The following MARCHF1 variants were observed in gnomAD, a reference collection of about 807,000 sequenced individuals.
MARCHF1 encodes the protein E3 ubiquitin-protein ligase MARCHF1.
A neutral mutation model predicts 54.2 loss-of-function variants in MARCHF1; 40 were observed. The ratio of observed to expected loss-of-function variants is 0.74; its 90% CI spans 0.57 to 0.96. The LOEUF is 0.96. Ranked by LOEUF, MARCHF1 falls within the 40% of genes least tolerant of loss-of-function variation. MARCHF1 has a pLI of 0.00. For missense variants in MARCHF1, 586 were observed against 656.5 expected (o/e 0.89, Z 1.17); for synonymous variants, 236 against 236.3 (o/e 1.00, Z 0.01).
intron 3 of MARCHF1, among the ~76,000 whole-genome samples, chr4:163,898,605 C>T (rs965689548): frequency 2.6e-5 from 4 of 152,110 alleles, no homozygotes; most frequent in Admixed American, 2.6e-4. Context: ...TTAGTTCAAC[C>T]TCTCTGGAAA....
At chr4:163,598,853 C>T (rs1741365087) in intron 7 of MARCHF1, among the ~76,000 whole-genome samples, 1 of 152,186 alleles carries the variant, frequency 6.6e-6, no homozygotes, top group Admixed American at 6.5e-5. Context: ...CCTTAGCTTA[C>T]TTTAACTTTT....
At chr4:164,310,628 GAATAAT>G (rs142349514) in intron 1 of MARCHF1, among the ~76,000 whole-genome samples, 5 of 138,144 alleles carry the variant, frequency 3.6e-5, no homozygotes, top group Non-Finnish European at 7.7e-5. Context: ...TTCTAGTAGT[GAATAAT>G]AATATTTATT....
chr4:163,607,933 C>G (rs1157755203), intron 7 of MARCHF1, among the ~76,000 whole-genome samples: 1 of 152,136 alleles, frequency 6.6e-6, no homozygotes, highest in African/African-American at 2.4e-5. Context: ...AGTTTTAGAA[C>G]TGCTGGTGTA....
chr4:163,994,113 A>G (rs1170796068), intron 2 of MARCHF1, among the ~76,000 whole-genome samples: 1 of 152,106 alleles, frequency 6.6e-6, no homozygotes, highest in Non-Finnish European at 1.5e-5. Flanking sequence ...GCCAGTATGT[A>G]TTTCTTCACT....
intron 1 of MARCHF1, among the ~76,000 whole-genome samples, chr4:164,170,636 C>T (rs11724039): frequency 2.8e-4 from 43 of 151,956 alleles, no homozygotes; most frequent in Non-Finnish European, 5.2e-4. Flanking sequence ...AAATTCTTGA[C>T]CATAGTGAGA....
chr4:163,961,835 T>G (rs1353552147), intron 3 of MARCHF1, among the ~76,000 whole-genome samples: 1 of 151,876 alleles, frequency 6.6e-6, no homozygotes, highest in Non-Finnish European at 1.5e-5. Flanking sequence ...ATTTTCATGA[T>G]TATGCTTGGA....
At chr4:163,814,073 C>G (rs117551616) in intron 4 of MARCHF1, among the ~76,000 whole-genome samples, 4,284 of 152,194 alleles carry the variant, frequency 0.028, 77 homozygotes, top group East Asian at 0.074. Context: ...CTCCCAGGAT[C>G]GATTGTATCT....
rs940807267 is a variant in MARCHF1 at position 163,749,680 on chromosome 4, G to T, written c.112-48817C>A. ...ACACATTTTCTGAATCTATTGAGTT[G>T]ATAATATGATGTGGTTAGACAGCTT... On this transcript the variant is annotated intron_variant, in intron 4 of 9. Transcript: ENST00000514618. Among the ~76,000 whole-genome samples the T allele has an allele frequency of 3.3e-5, 5 of 152,040 alleles. No individual in the cohort carries two copies. The East Asian group carries it at 9.7e-4, about 30-fold the overall frequency.
intron 1 of MARCHF1, among the ~76,000 whole-genome samples, chr4:164,141,908 A>C (rs1756546863): frequency 6.8e-6 from 1 of 147,592 alleles, no homozygotes; most frequent in South Asian, 2.1e-4. Flanking sequence ...CATCTGAGGT[A>C]CCGGGTTCAT....
chr4:163,854,769 T>C (rs921976812), intron 3 of MARCHF1, among the ~76,000 whole-genome samples: 1 of 152,170 alleles, frequency 6.6e-6, no homozygotes, highest in African/African-American at 2.4e-5. Flanking sequence ...AAACAATCCT[T>C]ACTATGTCAT....
intron 7 of MARCHF1, among the ~76,000 whole-genome samples, chr4:163,603,093 C>T (rs1445985286): frequency 2.6e-5 from 4 of 152,016 alleles, no homozygotes; most frequent in Non-Finnish European, 4.4e-5. Context: ...GTGACCTAGA[C>T]AATGGGTGAC....
Position 164,109,912 on chromosome 4 carries a change from TAAAAAA to T in MARCHF1, c.-248+1670_-248+1675del, listed in dbSNP as rs57433858. Among the ~76,000 whole-genome samples, 87 of 63,154 alleles carry T rather than the reference TAAAAAA, an allele frequency of 1.4e-3. 2 individuals carry two copies. In the South Asian group the frequency reaches 0.042, roughly 31 times the overall value. 41.4% of individuals were successfully genotyped at this position (63,154 alleles called of 152,430 possible). A position where few individuals can be genotyped will look rare whatever the true frequency, so the allele number is the denominator to read the frequency against. On this transcript the variant is annotated intron_variant, in intron 2 of 9. Transcript: ENST00000514618. ...CATACCCCTGAACCTAAAATAAAAG[TAAAAAA>T]AAAAAAAAAAAAAAAAAAGAAAATG... is the stretch of plus-strand genomic sequence containing the variant.
intron 2 of MARCHF1, among the ~76,000 whole-genome samples, chr4:164,063,184 G>A (rs1450331013): frequency 6.6e-6 from 1 of 152,160 alleles, no homozygotes; most frequent in African/African-American, 2.4e-5. Flanking sequence ...ATAAGCATTG[G>A]CTTCAATTTA....
intron 2 of MARCHF1, among the ~76,000 whole-genome samples, chr4:163,994,763 AC>A (rs1383005689): frequency 1.3e-4 from 15 of 116,080 alleles, no homozygotes; most frequent in African/African-American, 4.3e-4. Flanking sequence ...ACACACACAC[AC>A]ACACACACAC....
intron 1 of MARCHF1, among the ~76,000 whole-genome samples, chr4:164,141,951 T>C (rs1311653609): frequency 1.3e-5 from 2 of 151,950 alleles, no homozygotes; most frequent in East Asian, 3.9e-4. Flanking sequence ...TGGGCGCAGG[T>C]CAGTGGGTGG....
rs138861680 is a variant in MARCHF1, at chr4:163,883,218, G to GAT, written c.-38-29051_-38-29050dup. On this transcript the variant is annotated intron_variant, in intron 3 of 9. Transcript: ENST00000514618. ...TAATAATTTATTTATAACTATTTGA[G>GAT]ATATATATATATGTGTATATGTGTG... is the stretch of plus-strand genomic sequence containing the variant. Among the ~76,000 whole-genome samples the GAT allele has an allele frequency of 2.5e-3, 367 of 145,616 alleles. 1 individual carries two copies. The highest frequency in any genetic ancestry group is 7.5e-3 in the African/African-American group (295 of 39,560).
intron 9 of MARCHF1, among the ~76,000 whole-genome samples, chr4:163,533,156 G>A (rs114840380): frequency 6.6e-6 from 1 of 151,986 alleles, no homozygotes. Flanking sequence ...ATGTAATGGA[G>A]TATTATTTAG....
intron 3 of MARCHF1, among the ~76,000 whole-genome samples, chr4:163,856,104 G>A (rs1220286942): frequency 6.6e-6 from 1 of 152,106 alleles, no homozygotes; most frequent in Admixed American, 6.5e-5. Context: ...CTTCCTTGAA[G>A]CTGGCCTGTG....
At chr4:163,734,800 G>C (rs148048381) in intron 4 of MARCHF1, among the ~76,000 whole-genome samples, 1 of 152,040 alleles carries the variant, frequency 6.6e-6, no homozygotes, top group South Asian at 2.1e-4. Flanking sequence ...AAAATGTATC[G>C]TATTATACAC....
Sources: gnomAD v4.1 joint callset for allele counts (sites outside exome capture counted in the v4.1 genomes callset) on GRCh38, gnomAD v4.1.1 for gene constraint, MANE v1.5 for transcripts, NCBI Gene and HGNC (gene_info 2026-07-23, HGNC 2026-07-21) for gene names.